Variants in APOL1 observed in about 807,000 individuals in gnomAD.
APOL1 encodes apolipoprotein L 1.
A neutral mutation model predicts 14.9 loss-of-function variants in APOL1; 17 were observed. The observed-to-expected ratio is 1.14, with a 90% CI of 0.78 to 1.71. The LOEUF is 1.71. Ranked by LOEUF, APOL1 falls within the 40% of genes most tolerant of loss-of-function variation. The probability of loss-of-function intolerance (pLI) is 0.00; values close to 1 mark genes in which losing one functional copy is unlikely to be tolerated. For missense variants in APOL1, 523 were observed against 485.9 expected (o/e 1.08, Z -0.72); for synonymous variants, 195 against 184.8 (o/e 1.05, Z -0.45).
intron 5 of APOL1, among the ~76,000 whole-genome samples, chr22:36,262,547 G>A (rs1229956004): frequency 6.6e-6 from 1 of 152,236 alleles, no homozygotes; most frequent in Non-Finnish European, 1.5e-5. Flanking sequence ...CCTGGAGTCA[G>A]GATGGAGCAA....
At chr22:36,264,299 C>T (rs769783556) in intron 5 of APOL1, among the ~76,000 whole-genome samples, 3 of 152,192 alleles carry the variant, frequency 2.0e-5, no homozygotes, top group African/African-American at 4.8e-5. Flanking sequence ...CCCCAAACCC[C>T]ATCATCCATC....
intron 5 of APOL1, among the ~76,000 whole-genome samples, 183 bp from the exon 6 acceptor site, chr22:36,264,968 C>T (rs889925842): frequency 3.9e-5 from 6 of 152,068 alleles, no homozygotes; most frequent in Non-Finnish European, 7.4e-5. Flanking sequence ...CCCACCACCA[C>T]GCCCGGCTAA....
intron 5 of APOL1, among the ~76,000 whole-genome samples, chr22:36,264,639 T>C (rs1042472490): frequency 1.3e-5 from 2 of 152,288 alleles, no homozygotes; most frequent in African/African-American, 2.4e-5. Flanking sequence ...TTTATTTCCA[T>C]ATGGAATAAA....
Position 36,266,021 on chromosome 22 carries a change from C to T in APOL1, c.1185C>T (p.Asp395=), listed in dbSNP as rs751364121. The T allele has an allele frequency of 3.7e-6, 6 of 1,604,976 alleles. No individual in the cohort carries two copies. Among genetic ancestry groups the T allele is most frequent in the South Asian group, 1.1e-5 (1 of 89,312 alleles). ...LNNNYKILQA[D]QEL Reference sequence around the variant, plus strand: ...ATAATTATAAGATTCTGCAGGCGGACCAAGAACTGTGACCACAGGGCAGGG... The same window carrying T: ...ATAATTATAAGATTCTGCAGGCGGATCAAGAACTGTGACCACAGGGCAGGG... The change falls in exon 6 of 6, where the codon GAC becomes GAT. Residue 395 remains aspartate, a synonymous_variant. Transcript: ENST00000397278.
intron 4 of APOL1, among the ~76,000 whole-genome samples, chr22:36,258,065 C>T (rs980315185): frequency 6.6e-6 from 1 of 152,206 alleles, no homozygotes; most frequent in African/African-American, 2.4e-5. Flanking sequence ...CTGGCCAGTG[C>T]CTGCCACACA....
chr22:36,262,488 C>A (rs713753), intron 5 of APOL1, among the ~76,000 whole-genome samples: 1 of 151,984 alleles, frequency 6.6e-6, no homozygotes, highest in Non-Finnish European at 1.5e-5. Flanking sequence ...GGGGAACCAA[C>A]ACCAAGATCC....
chr22:36,264,834 T>C (rs570375251), intron 5 of APOL1, among the ~76,000 whole-genome samples: 2,187 of 143,180 alleles, frequency 0.015, 27 homozygotes, highest in South Asian at 0.032. Flanking sequence ...TTTTTTTGAG[T>C]TGGAGTCTTG....
At chr22:36,264,851 C>T (rs574614309) in intron 5 of APOL1, among the ~76,000 whole-genome samples, 7 of 131,276 alleles carry the variant, frequency 5.3e-5, no homozygotes, top group East Asian at 4.4e-4. Context: ...CTTGCTCTGT[C>T]GCCCAAGCTG....
rs136177 is a variant in APOL1 at position 36,265,796 on chromosome 22, G to A, written c.960G>A (p.Arg320=). The stretch of plus-strand genomic sequence containing the variant: ...CTGAAAGCGGTGAACAGGTGGAGAG[G>A]GTTAATGAACCCAGCATCCTGGAAA... ...ISAESGEQVE[R]VNEPSILEMS... is the part of the protein sequence containing the mutation. Residue 320 remains arginine, a synonymous_variant, in exon 6 of 6, where the codon AGG becomes AGA. Coordinates refer to ENST00000397278, the MANE Select transcript of APOL1 (RefSeq NM_003661.4). The A allele has an allele frequency of 0.82, 1,321,719 of 1,613,966 alleles. 542,476 individuals are homozygous for A. Among genetic ancestry groups the A allele is most frequent in the African/African-American group, 0.93 (69,378 of 74,970 alleles).
chr22:36,258,148 G>A (rs531594766), intron 4 of APOL1, among the ~76,000 whole-genome samples: 29 of 151,440 alleles, frequency 1.9e-4, no homozygotes, highest in East Asian at 1.7e-3. Flanking sequence ...AAGCCACCCC[G>A]TCCCCCCCCA....
intron 2 of APOL1, among the ~76,000 whole-genome samples, chr22:36,256,237 G>T (rs1418168354): frequency 1.3e-5 from 2 of 152,048 alleles, no homozygotes; most frequent in African/African-American, 4.8e-5. Flanking sequence ...TGAAAGAAAG[G>T]GCATCTTCAT....
chr22:36,256,029 C>T (rs2015863778), intron 2 of APOL1, among the ~76,000 whole-genome samples: 1 of 152,112 alleles, frequency 6.6e-6, no homozygotes, highest in African/African-American at 2.4e-5. Flanking sequence ...TTCTTAACTT[C>T]CCTCTTTAAA....
chr22:36,261,427 C>G (rs1041344427), intron 4 of APOL1, among the ~76,000 whole-genome samples, 169 bp from the exon 5 acceptor site: 2 of 152,032 alleles, frequency 1.3e-5, no homozygotes, highest in Non-Finnish European at 2.9e-5. Context: ...AAAGCTTCAG[C>G]ATATGAATTT....
intron 5 of APOL1, among the ~76,000 whole-genome samples, chr22:36,263,563 A>G (rs913789037): frequency 1.3e-5 from 2 of 152,266 alleles, no homozygotes; most frequent in African/African-American, 4.8e-5. Flanking sequence ...AGAAAGAGAC[A>G]CACGGGGCAG....
At chr22:36,258,365 G>T (rs1046072411) in intron 4 of APOL1, among the ~76,000 whole-genome samples, 1 of 152,238 alleles carries the variant, frequency 6.6e-6, no homozygotes, top group Non-Finnish European at 1.5e-5. Context: ...TCGTGCTATG[G>T]TGAAAAAGTG....
chr22:36,265,847 T>C lies in APOL1; in HGVS notation c.1011T>C (p.Asp337=). The change falls in exon 6 of 6, where the codon GAT becomes GAC. Residue 337 remains aspartate, a synonymous_variant. Transcript: ENST00000397278. ...LEMSRGVKLT[D]VAPVSFFLVL... is the part of the protein sequence containing the mutation. ...TGAGCAGAGGAGTCAAGCTCACGGATGTGGCCCCTGTAAGCTTCTTTCTTG... is the reference window on the plus strand; with the variant it reads ...TGAGCAGAGGAGTCAAGCTCACGGACGTGGCCCCTGTAAGCTTCTTTCTTG... The C allele has an allele frequency of 6.2e-7, 1 of 1,614,152 alleles. No individual in the cohort carries two copies. Among genetic ancestry groups the C allele is most frequent in the Non-Finnish European group, 8.5e-7 (1 of 1,180,028 alleles).
intron 5 of APOL1, 74 bp from the exon 6 acceptor site, chr22:36,265,077 C>T (rs892856516): frequency 2.9e-5 from 46 of 1,570,408 alleles, no homozygotes; most frequent in Non-Finnish European, 3.7e-5. Context: ...TCCCAAAGTG[C>T]TGGGATTACA....
At position 36,259,749 on chromosome 22, in the gene APOL1, G is replaced by A. The variant is rs1014652874; in HGVS notation, c.188-1847G>A. ...CAGAGGACAGAGGCAACATGGAGGT[G>A]CCTCAAGGATCAGTGCTGAGGGTCC... On this transcript the variant is annotated intron_variant, in intron 4 of 5. Coordinates refer to ENST00000397278, the MANE Select transcript of APOL1 (RefSeq NM_003661.4). The A allele has an allele frequency of 9.2e-6, 12 of 1,304,176 alleles. No homozygotes were observed. The Admixed American group carries it at 1.8e-4, about 20-fold the overall frequency. The allele number at this position is 1,304,176 out of a possible 1,614,324, so 80.8% of individuals were successfully genotyped here. A position where few individuals can be genotyped will look rare whatever the true frequency, so the allele number is the denominator to read the frequency against.
chr22:36,256,674 AG>A (rs1199056322), intron 2 of APOL1, among the ~76,000 whole-genome samples: 13 of 152,356 alleles, frequency 8.5e-5, no homozygotes, highest in African/African-American at 3.1e-4. Flanking sequence ...TGCAATGAGG[AG>A]TCATTTACCA....
Sources: gnomAD v4.1 joint callset for allele counts (sites outside exome capture counted in the v4.1 genomes callset) on GRCh38, gnomAD v4.1.1 for gene constraint, MANE v1.5 for transcripts, NCBI Gene and HGNC (gene_info 2026-07-23, HGNC 2026-07-21) for gene names.